Variants in NELL1 observed in about 807,000 individuals in gnomAD.
NELL1 encodes the protein neural EGFL like 1.
A neutral mutation model predicts 107.4 loss-of-function variants in NELL1; 76 were observed. That is an observed-to-expected ratio of 0.71 (90% CI 0.59 to 0.86). The LOEUF is 0.86. NELL1 is among the 40% of genes least tolerant of loss of function. The pLI is 0.00. For synonymous variants in NELL1, 353 were observed against 341.2 expected, an observed-to-expected ratio of 1.03 and a Z score of -0.38; for missense variants, 1,024 against 1,005.5, an observed-to-expected ratio of 1.02 and a Z score of -0.25.
chr11:21,178,719 A>G lies in NELL1; in HGVS notation c.1427-50613A>G, dbSNP rs1198496917. Among the ~76,000 whole-genome samples, 3 of 151,420 alleles carry G rather than the reference A, an allele frequency of 2.0e-5. No individual in the cohort carries two copies. The East Asian group carries it at 5.8e-4, about 29-fold the overall frequency. ...ATCAAGGTTGCAGTGAGCCGAGACC[A>G]CACTACTGCACTCCAGCCTTGGGGA... On this transcript the variant is annotated intron_variant, in intron 13 of 19. Coordinates refer to ENST00000357134, the MANE Select transcript of NELL1 (RefSeq NM_006157.5).
rs554915962 is a variant in NELL1, at chr11:21,377,848, C to T, written c.1645+6900C>T. Among the ~76,000 whole-genome samples, 37 of 152,026 alleles carry T rather than the reference C, an allele frequency of 2.4e-4. No homozygotes were observed. In the East Asian group the frequency reaches 6.4e-3, roughly 26 times the overall value. On this transcript the variant is annotated intron_variant, in intron 15 of 19. Coordinates refer to ENST00000357134, the MANE Select transcript of NELL1 (RefSeq NM_006157.5). ...GTAGTGGTGTTCATAATAGCCTGTG[C>T]GGATCTTTTGTATTTCTGTGGGATC...
chr11:21,356,986 T>C (rs1439978080), intron 14 of NELL1, among the ~76,000 whole-genome samples: 5 of 152,228 alleles, frequency 3.3e-5, no homozygotes, highest in Non-Finnish European at 7.3e-5. Flanking sequence ...CATTTCTTCA[T>C]TCCTTTTTAT....
intron 15 of NELL1, among the ~76,000 whole-genome samples, chr11:21,385,520 C>CT (rs936052452): frequency 2.0e-5 from 3 of 151,630 alleles, no homozygotes; most frequent in Non-Finnish European, 4.4e-5. Context: ...TACAGTGCAT[C>CT]TTTTTTTTCC....
chr11:21,074,827 T>C (rs1053174343), intron 12 of NELL1, among the ~76,000 whole-genome samples: 1 of 152,214 alleles, frequency 6.6e-6, no homozygotes, highest in Non-Finnish European at 1.5e-5. Context: ...GAGGCTCTTA[T>C]ATACTCCCAT....
chr11:21,324,827 T>C (rs1341142045), intron 14 of NELL1, among the ~76,000 whole-genome samples: 6 of 152,060 alleles, frequency 3.9e-5, no homozygotes, highest in African/African-American at 2.4e-5. Flanking sequence ...AGAGAACTGA[T>C]GTTATAGAGT....
Position 20,947,452 on chromosome 11 carries a change from G to T in NELL1, c.1171+17G>T. On this transcript the variant is annotated intron_variant, in intron 11 of 19. Coordinates refer to ENST00000357134, the MANE Select transcript of NELL1 (RefSeq NM_006157.5). ...TCTGTAGAGGTAAGTGGGCTTGGTG[G>T]TGGGCCATGCGTGGGGTGAGGCTGG... 6.3e-7 allele frequency: 1 copy of T among 1,595,558 alleles called. No homozygotes were observed. Among genetic ancestry groups the T allele is most frequent in the Non-Finnish European group, 8.6e-7 (1 of 1,163,106 alleles).
chr11:21,432,245 G>A (rs1281905813), intron 15 of NELL1, among the ~76,000 whole-genome samples: 3 of 151,764 alleles, frequency 2.0e-5, no homozygotes, highest in Admixed American at 6.6e-5. Context: ...TGTTTGGTTT[G>A]TTTTAATGAC....
intron 4 of NELL1, among the ~76,000 whole-genome samples, chr11:20,867,105 A>G (rs1564941377): frequency 1.3e-5 from 2 of 152,200 alleles, no homozygotes; most frequent in African/African-American, 2.4e-5. Context: ...TTAAATACTC[A>G]GGGCCCCAAA....
chr11:21,212,846 T>A (rs928519449), intron 13 of NELL1, among the ~76,000 whole-genome samples: 1 of 152,184 alleles, frequency 6.6e-6, no homozygotes, highest in Non-Finnish European at 1.5e-5. Context: ...AACATAGCAC[T>A]GGAAGTTTTA....
chr11:21,094,089 T>C (rs1854584432), intron 12 of NELL1, among the ~76,000 whole-genome samples: 1 of 151,820 alleles, frequency 6.6e-6, no homozygotes, highest in African/African-American at 2.4e-5. Context: ...GTTAGTTACT[T>C]CCTAGATTCA....
At chr11:21,526,785 C>T (rs139478606) in intron 15 of NELL1, among the ~76,000 whole-genome samples, 1 of 152,304 alleles carries the variant, frequency 6.6e-6, no homozygotes, top group Non-Finnish European at 1.5e-5. Context: ...AGCTGGGATG[C>T]AGGGCACCAA....
At chr11:21,224,656 C>A (rs774083049) in intron 13 of NELL1, among the ~76,000 whole-genome samples, 1 of 152,036 alleles carries the variant, frequency 6.6e-6, no homozygotes, top group Non-Finnish European at 1.5e-5. Context: ...TTTAAAATGT[C>A]TTCTTATTTT....
At position 21,324,150 on chromosome 11, in the gene NELL1, C is replaced by T. The variant is rs114834464; in HGVS notation, c.1550-46703C>T. ...TTTGCTAGCATTGTTTTATTTTTTC[C>T]TCACTGCAACCCTATGAGACAGTCA... On this transcript the variant is annotated intron_variant, in intron 14 of 19. Coordinates refer to ENST00000357134, the MANE Select transcript of NELL1 (RefSeq NM_006157.5). 8.0e-3 allele frequency among the ~76,000 whole-genome samples: 1,216 copies of T among 152,066 alleles called. 15 individuals are homozygous for T. The highest frequency in any genetic ancestry group is 0.027 in the African/African-American group (1,138 of 41,500).
intron 15 of NELL1, among the ~76,000 whole-genome samples, chr11:21,530,680 G>T (rs574814921): frequency 2.0e-5 from 3 of 152,092 alleles, no homozygotes; most frequent in African/African-American, 7.2e-5. Flanking sequence ...AATATCTAAA[G>T]ATTAGAGGTA....
intron 15 of NELL1, among the ~76,000 whole-genome samples, chr11:21,517,282 G>A (rs2133951307): frequency 6.6e-6 from 1 of 152,234 alleles, no homozygotes; most frequent in African/African-American, 2.4e-5. Flanking sequence ...TGTTTTATGT[G>A]TCCTGCCCTG....
intron 2 of NELL1, among the ~76,000 whole-genome samples, chr11:20,689,381 C>T (rs1252202380): frequency 6.7e-6 from 1 of 150,216 alleles, no homozygotes; most frequent in Non-Finnish European, 1.5e-5. Context: ...GTGTGCTGCA[C>T]CCATTAACTC....
chr11:21,564,830 A>C (rs1856933188), intron 17 of NELL1, among the ~76,000 whole-genome samples: 1 of 151,932 alleles, frequency 6.6e-6, no homozygotes, highest in Non-Finnish European at 1.5e-5. Context: ...GACCTTTTTC[A>C]TGAGATTGTC....
intron 14 of NELL1, chr11:21,259,953 CA>C (rs1330203251): frequency 2.6e-5 from 4 of 151,750 alleles, no homozygotes; most frequent in African/African-American, 9.7e-5. Context: ...AAATTACCAC[CA>C]AATATTTTAT....
At chr11:21,306,740 T>C (rs1254302862) in intron 14 of NELL1, among the ~76,000 whole-genome samples, 1 of 152,064 alleles carries the variant, frequency 6.6e-6, no homozygotes, top group Non-Finnish European at 1.5e-5. Context: ...ACACGGAAAC[T>C]ATCCAAAATT....
Sources: gnomAD v4.1 joint callset for allele counts (sites outside exome capture counted in the v4.1 genomes callset) on GRCh38, gnomAD v4.1.1 for gene constraint, MANE v1.5 for transcripts, NCBI Gene and HGNC (gene_info 2026-07-23, HGNC 2026-07-21) for gene names.